The following RGS12 variants were observed in gnomAD, a reference collection of about 807,000 sequenced individuals.
RGS12 encodes the protein regulator of G protein signaling 12, also known as regulator of G-protein signaling 12.
RGS12 carries 66 observed loss-of-function variants against 120.1 expected under a neutral mutation model. The observed-to-expected ratio is 0.55, with a 90% CI of 0.45 to 0.67. The LOEUF (loss-of-function observed/expected upper bound fraction) is 0.67, where lower values mean the gene tolerates loss of function less well. RGS12 is among the 30% of genes least tolerant of loss of function. RGS12 has a pLI of 0.00. For synonymous variants in RGS12, 827 were observed against 804.7 expected, an observed-to-expected ratio of 1.03 and a Z score of -0.47; for missense variants, 1,859 against 1,957.7, an observed-to-expected ratio of 0.95 and a Z score of 0.95.
intron 10 of RGS12, 80 bp from the exon 11 acceptor site, chr4:3,422,296 C>A: frequency 7.0e-7 from 1 of 1,428,600 alleles, no homozygotes; most frequent in African/African-American, 1.4e-5. Context: ...GCGGCCTGGG[C>A]CAGCTGGGCT....
intron 17 of RGS12, among the ~76,000 whole-genome samples, chr4:3,434,489 G>A (rs567793169): frequency 3.3e-5 from 5 of 152,278 alleles, no homozygotes; most frequent in Admixed American, 1.3e-4. Context: ...TGCATGGCAC[G>A]TTTTGTGCAT....
At chr4:3,332,468 T>C (rs1320009034) in intron 2 of RGS12, among the ~76,000 whole-genome samples, 2 of 152,224 alleles carry the variant, frequency 1.3e-5, no homozygotes, top group African/African-American at 2.4e-5. Context: ...CACTAAAGAA[T>C]TACTCATAAC....
chr4:3,417,117 C>T (rs369658712), intron 8 of RGS12, 25 bp downstream of exon 8: 20 of 1,570,386 alleles, frequency 1.3e-5, no homozygotes, highest in South Asian at 2.3e-5. Context: ...GCTGGCCTCA[C>T]GCCCCTGTGG....
At chr4:3,372,000 C>G (rs1041815885) in intron 3 of RGS12, among the ~76,000 whole-genome samples, 6 of 152,146 alleles carry the variant, frequency 3.9e-5, no homozygotes, top group African/African-American at 1.4e-4. Context: ...CTGGCCAGAT[C>G]AGTCGATGCC....
chr4:3,413,774 C>T (rs986349338), intron 4 of RGS12: 1 of 363,892 alleles, frequency 2.7e-6, no homozygotes, highest in Non-Finnish European at 5.1e-6. Flanking sequence ...CACGTGTGAG[C>T]ATATGAGTGT....
At chr4:3,360,185 T>C (rs757904171) in intron 3 of RGS12, among the ~76,000 whole-genome samples, 1 of 152,240 alleles carries the variant, frequency 6.6e-6, no homozygotes, top group Non-Finnish European at 1.5e-5. Context: ...TAATTCTTGC[T>C]ATGTCTGTGG....
At position 3,420,672 on chromosome 4, in the gene RGS12, G is replaced by A. The variant is rs1304967541; in HGVS notation, c.2792G>A (p.Arg931His). Reference protein sequence around the residue: ...DALHANGGLCRRESQGSVSSA... With the variant: ...DALHANGGLCHRESQGSVSSA... ...CTGCATGCCAATGGAGGCCTGTGTCGCCGAGAGTCGCAGGGCTCTGTGTCC... is the reference window on the plus strand; with the variant it reads ...CTGCATGCCAATGGAGGCCTGTGTCACCGAGAGTCGCAGGGCTCTGTGTCC... The change falls in exon 10 of 18, where the codon CGC (arginine) becomes CAC (histidine). Residue 931 changes from arginine to histidine, a missense_variant. Coordinates refer to ENST00000336727, the MANE Select transcript of RGS12 (RefSeq NM_001394154.1). 7.4e-6 allele frequency: 12 copies of A among 1,613,286 alleles called. No individual in the cohort carries two copies. Among genetic ancestry groups the A allele is most frequent in the Admixed American group, 5.0e-5 (3 of 60,010 alleles).
chr4:3,287,216 C>T, the RGS12 span, among the ~76,000 whole-genome samples: 1 of 152,162 alleles, frequency 6.6e-6, no homozygotes, highest in Non-Finnish European at 1.5e-5. Context: ...AAGGTGGACT[C>T]GAAGAGCAAC....
chr4:3,420,716 CTGG>C lies in RGS12; in HGVS notation c.2838+1_2838+3del. ...TGTGTCCTCTGCGGGGAGCCTGGAC[CTGG>C]TGAGTCACTGTCTCCCCTCGTCCCA... On this transcript the variant is annotated splice_donor_variant and coding_sequence_variant, in exon 10 of 18. Transcript: ENST00000336727. LOFTEE classifies it high-confidence loss of function. The C allele has an allele frequency of 6.2e-7, 1 of 1,611,838 alleles. No homozygotes were observed. The highest frequency in any genetic ancestry group is 8.5e-7 in the Non-Finnish European group (1 of 1,179,864).
intron 3 of RGS12, among the ~76,000 whole-genome samples, chr4:3,381,604 G>A (rs778371334): frequency 6.6e-6 from 1 of 152,166 alleles, no homozygotes; most frequent in Non-Finnish European, 1.5e-5. Context: ...GCAAAAGAGG[G>A]ACTAACCCCT....
Position 3,366,573 on chromosome 4 carries a change from C to T in RGS12, c.1999-19843C>T, listed in dbSNP as rs16844209. 0.11 allele frequency among the ~76,000 whole-genome samples: 16,403 copies of T among 152,274 alleles called. 1,556 individuals are homozygous for T. Among genetic ancestry groups the T allele is most frequent in the African/African-American group, 0.25 (10,372 of 41,534 alleles). On this transcript the variant is annotated intron_variant, in intron 3 of 17. Coordinates refer to ENST00000336727, the MANE Select transcript of RGS12 (RefSeq NM_001394154.1). This position sits in a 1 kb window ranked among gnomAD's most constrained non-coding sequence, Gnocchi z 4.0. ...AGCAGGGCTTGCGGCCGGGATCCAC[C>T]AGGGCCGTCCCGGTTCCTGGGTGTT... is the stretch of plus-strand genomic sequence containing the variant.
chr4:3,361,326 A>C (rs555775315), intron 3 of RGS12, among the ~76,000 whole-genome samples: 2 of 152,118 alleles, frequency 1.3e-5, no homozygotes, highest in Non-Finnish European at 2.9e-5. Flanking sequence ...GCTTCACTTC[A>C]TGATAAACCA....
chr4:3,353,058 G>A (rs913717653), intron 3 of RGS12, among the ~76,000 whole-genome samples: 3 of 152,224 alleles, frequency 2.0e-5, no homozygotes, highest in Admixed American at 2.0e-4. Context: ...CAGAGTGCGT[G>A]TGGTGTGCCA....
At chr4:3,405,598 T>TA (rs1249607188) in intron 4 of RGS12, among the ~76,000 whole-genome samples, 1 of 152,236 alleles carries the variant, frequency 6.6e-6, no homozygotes, top group Non-Finnish European at 1.5e-5. Context: ...GATGGCTTGT[T>TA]AAATTTCCTG....
intron 2 of RGS12, among the ~76,000 whole-genome samples, chr4:3,334,705 G>T (rs1712256599): frequency 6.6e-6 from 1 of 151,720 alleles, no homozygotes; most frequent in South Asian, 2.1e-4. Flanking sequence ...AGCCTGTTTT[G>T]TCTATTATTA....
At chr4:3,355,744 G>A (rs566307449) in intron 3 of RGS12, among the ~76,000 whole-genome samples, 13 of 146,794 alleles carry the variant, frequency 8.9e-5, no homozygotes, top group African/African-American at 3.3e-4. Flanking sequence ...GCAGTAAGCT[G>A]CGTTTGTGCC....
chr4:3,427,955 C>T (rs567940094), intron 14 of RGS12, 135 bp from the exon 15 acceptor site: 7 of 820,096 alleles, frequency 8.5e-6, no homozygotes, highest in Admixed American at 3.6e-5. Context: ...CAGGGCTGTG[C>T]GTGGTGAATA....
At chr4:3,288,322 G>T (rs957207522), upstream of RGS12, among the ~76,000 whole-genome samples, 9 of 152,130 alleles carry the variant, frequency 5.9e-5, no homozygotes, top group Non-Finnish European at 2.9e-5. The surrounding 1 kb of genome is among the most constrained non-coding windows in gnomAD (Gnocchi z 5.2). Flanking sequence ...GGCCCCGTGG[G>T]TGTGGGCAGC....
At chr4:3,416,358 T>C (rs561924132) in intron 7 of RGS12, among the ~76,000 whole-genome samples, 1 of 152,332 alleles carries the variant, frequency 6.6e-6, no homozygotes, top group African/African-American at 2.4e-5. Flanking sequence ...CTGTCTGCAA[T>C]GAGCCGGCTG....
Sources: gnomAD v4.1 joint callset for allele counts (sites outside exome capture counted in the v4.1 genomes callset) on GRCh38, gnomAD v4.1.1 for gene constraint, Gnocchi (gnomAD v3.1) non-coding constraint, MANE v1.5 for transcripts, NCBI Gene and HGNC (gene_info 2026-07-23, HGNC 2026-07-21) for gene names.